The following NCKAP5 variants were observed in gnomAD, a reference collection of about 807,000 sequenced individuals.
The protein encoded by NCKAP5 is nck-associated protein 5.
A neutral mutation model predicts 167.0 loss-of-function variants in NCKAP5; 92 were observed. The ratio of observed to expected loss-of-function variants is 0.55; its 90% CI spans 0.47 to 0.66. The LOEUF is 0.66. Among genes scored for constraint, NCKAP5 ranks in the 30% least tolerant of loss-of-function variants. NCKAP5 has a pLI of 0.00. For synonymous variants in NCKAP5, 891 were observed against 877.4 expected (o/e 1.02, Z -0.27); for missense variants, 2,378 against 2,315.0 (o/e 1.03, Z -0.56).
At chr2:133,471,775 C>G (rs1679349654) in intron 3 of NCKAP5, among the ~76,000 whole-genome samples, 1 of 152,106 alleles carries the variant, frequency 6.6e-6, no homozygotes. Flanking sequence ...TTGTCCTGAC[C>G]AAATGCCCTC....
intron 6 of NCKAP5, among the ~76,000 whole-genome samples, chr2:133,114,655 G>T (rs894784109): frequency 1.3e-5 from 2 of 151,974 alleles, no homozygotes; most frequent in African/African-American, 4.8e-5. Flanking sequence ...CACTATTCTT[G>T]ATCTATAGGT....
intron 6 of NCKAP5, among the ~76,000 whole-genome samples, chr2:133,121,695 G>A (rs938847740): frequency 5.9e-5 from 9 of 152,136 alleles, no homozygotes; most frequent in Admixed American, 6.5e-5. Context: ...GTTCCTTATG[G>A]AATTAAACAA....
chr2:133,129,463 T>C (rs1559169550), intron 6 of NCKAP5, among the ~76,000 whole-genome samples: 1 of 152,240 alleles, frequency 6.6e-6, no homozygotes, highest in African/African-American at 2.4e-5. Flanking sequence ...CAATGGTGTA[T>C]ATGTGCCACA....
At chr2:133,212,175 T>C (rs1414791061) in intron 5 of NCKAP5, among the ~76,000 whole-genome samples, 1 of 152,202 alleles carries the variant, frequency 6.6e-6, no homozygotes, top group Non-Finnish European at 1.5e-5. Flanking sequence ...TTCCTCATAT[T>C]CAACTAGAAC....
At chr2:132,684,050 T>C (rs1685617037) in intron 19 of NCKAP5, among the ~76,000 whole-genome samples, 1 of 152,264 alleles carries the variant, frequency 6.6e-6, no homozygotes, top group Non-Finnish European at 1.5e-5. Flanking sequence ...AATATTGCAT[T>C]ATAAAAGGTA....
At chr2:133,274,601 A>T in intron 4 of NCKAP5, among the ~76,000 whole-genome samples, 1 of 152,036 alleles carries the variant, frequency 6.6e-6, no homozygotes, top group South Asian at 2.1e-4. Context: ...AGGGTCAGGT[A>T]CCTTACTATA....
chr2:133,603,578 G>C, the NCKAP5 span, among the ~76,000 whole-genome samples: 1 of 150,076 alleles, frequency 6.7e-6, no homozygotes, highest in Admixed American at 6.7e-5. Context: ...TCTTGCTCTT[G>C]TTGCCCAGGC....
chr2:133,193,641 C>T (rs148638020), intron 5 of NCKAP5, among the ~76,000 whole-genome samples: 175 of 151,892 alleles, frequency 1.2e-3, no homozygotes, highest in Non-Finnish European at 1.9e-3. Context: ...TCAAATAAAC[C>T]GGAGAAACTC....
chr2:133,212,147 C>A (rs1041134354), intron 5 of NCKAP5, among the ~76,000 whole-genome samples: 3 of 152,148 alleles, frequency 2.0e-5, no homozygotes, highest in African/African-American at 7.2e-5. Context: ...GGAAACTGAC[C>A]TACGAAAGTT....
At chr2:133,406,983 C>G (rs938388915) in intron 3 of NCKAP5, among the ~76,000 whole-genome samples, 1 of 152,246 alleles carries the variant, frequency 6.6e-6, no homozygotes, top group African/African-American at 2.4e-5. Flanking sequence ...TCTCACTTCT[C>G]TTTTGAGCTT....
chr2:133,175,210 GGATCCTT>G (rs2150007480), intron 5 of NCKAP5, among the ~76,000 whole-genome samples: 1 of 151,800 alleles, frequency 6.6e-6, no homozygotes, highest in East Asian at 1.9e-4. Flanking sequence ...TTTTTCTATT[GGATCCTT>G]GAACCTAAGA....
intron 6 of NCKAP5, among the ~76,000 whole-genome samples, chr2:133,002,858 A>C (rs975717880): frequency 6.6e-6 from 1 of 152,166 alleles, no homozygotes; most frequent in Non-Finnish European, 1.5e-5. Context: ...ACCCTTGTTC[A>C]TTCCCTGCAT....
At chr2:133,455,249 A>T (rs1691777027) in intron 3 of NCKAP5, among the ~76,000 whole-genome samples, 1 of 152,130 alleles carries the variant, frequency 6.6e-6, no homozygotes, top group Non-Finnish European at 1.5e-5. Context: ...CTAAAATGAT[A>T]CATCTCGATG....
intron 6 of NCKAP5, among the ~76,000 whole-genome samples, chr2:133,082,913 T>C (rs1456125276): frequency 6.6e-6 from 1 of 152,158 alleles, no homozygotes; most frequent in East Asian, 1.9e-4. Flanking sequence ...TAGACTTGGC[T>C]GCACTGAGTT....
intron 4 of NCKAP5, chr2:133,266,271 ACTT>A (rs528352759): frequency 1.9e-4 from 29 of 152,404 alleles, no homozygotes; most frequent in African/African-American, 6.7e-4. Context: ...ACCTCCCAAA[ACTT>A]CTCCCCCTGC....
At chr2:132,988,252 C>T (rs1325310064) in intron 7 of NCKAP5, among the ~76,000 whole-genome samples, 1 of 152,074 alleles carries the variant, frequency 6.6e-6, no homozygotes, top group Non-Finnish European at 1.5e-5. Flanking sequence ...ATCACGAGGT[C>T]AGGAGATCGA....
intron 17 of NCKAP5, among the ~76,000 whole-genome samples, chr2:132,729,672 A>G (rs1028855733): frequency 6.6e-6 from 1 of 152,136 alleles, no homozygotes; most frequent in Non-Finnish European, 1.5e-5. Flanking sequence ...ATTAGCAGAG[A>G]ACAATTAAAG....
At chr2:132,863,906 T>G (rs1267527645) in intron 10 of NCKAP5, among the ~76,000 whole-genome samples, 1 of 152,162 alleles carries the variant, frequency 6.6e-6, no homozygotes, top group East Asian at 1.9e-4. Context: ...TATAAACAAC[T>G]GTTTTGCTAA....
the NCKAP5 span, among the ~76,000 whole-genome samples, chr2:133,600,789 T>C: frequency 6.6e-6 from 1 of 152,188 alleles, no homozygotes; most frequent in Non-Finnish European, 1.5e-5. Context: ...AGGCTCTGCT[T>C]GTGTTTGCAA....
Sources: allele counts gnomAD v4.1 joint callset (sites outside exome capture counted in the v4.1 genomes callset), GRCh38; gene constraint gnomAD v4.1.1; transcripts MANE v1.5; gene names NCBI Gene and HGNC (gene_info 2026-07-23, HGNC 2026-07-21).